DENND1A: variants seen among roughly 807,000 people sequenced by gnomAD.
The protein encoded by DENND1A is DENN domain-containing protein 1A.
DENND1A carries 51 observed loss-of-function variants against 113.7 expected under a neutral mutation model. The observed-to-expected ratio is 0.45, with a 90% confidence interval of 0.36 to 0.57. The LOEUF is 0.57. Among genes scored for constraint, DENND1A ranks in the 20% least tolerant of loss-of-function variants. The pLI, the probability that DENND1A is intolerant of heterozygous loss-of-function variation, is 0.00. For synonymous variants in DENND1A, 565 were observed against 570.8 expected (o/e 0.99, Z 0.14); for missense variants, 1,258 against 1,395.9 (o/e 0.90, Z 1.57).
intron 13 of DENND1A, among the ~76,000 whole-genome samples, chr9:123,466,837 C>A (rs1180426215): frequency 2.0e-5 from 3 of 151,370 alleles, no homozygotes; most frequent in African/African-American, 4.9e-5. Context: ...GAGTTTGAGA[C>A]CAGCCTGGGC....
intron 13 of DENND1A, among the ~76,000 whole-genome samples, chr9:123,501,242 G>C (rs867801996): frequency 6.6e-6 from 1 of 152,136 alleles, no homozygotes; most frequent in African/African-American, 2.4e-5. Context: ...TGTCCTCCAG[G>C]TTCATCCATG....
chr9:123,414,710 T>C (rs1414508077), intron 19 of DENND1A: 1 of 1,310,740 alleles, frequency 7.6e-7, no homozygotes, highest in African/African-American at 1.5e-5. Context: ...ATAGACTTGC[T>C]TTCCCTATAC....
At chr9:123,872,909 G>A (rs1022879408) in intron 2 of DENND1A, among the ~76,000 whole-genome samples, 2 of 152,150 alleles carry the variant, frequency 1.3e-5, no homozygotes, top group African/African-American at 4.8e-5. Flanking sequence ...CCTTCTCACA[G>A]CAGGGAATTA....
chr9:123,680,882 C>A (rs934425747), intron 5 of DENND1A, among the ~76,000 whole-genome samples: 2 of 152,180 alleles, frequency 1.3e-5, no homozygotes, highest in Admixed American at 6.5e-5. Flanking sequence ...GTGGGAGAGG[C>A]TGACCAAGTC....
intron 5 of DENND1A, among the ~76,000 whole-genome samples, chr9:123,689,288 G>A (rs2065018201): frequency 3.3e-5 from 5 of 152,118 alleles, no homozygotes; most frequent in Admixed American, 2.0e-4. Flanking sequence ...GCCTCCCAAA[G>A]TACTGAGATT....
At chr9:123,693,125 T>C (rs944109653) in intron 5 of DENND1A, among the ~76,000 whole-genome samples, 2 of 152,228 alleles carry the variant, frequency 1.3e-5, no homozygotes, top group Non-Finnish European at 2.9e-5. Flanking sequence ...TAGATGAATT[T>C]TGGCAACTGG....
At position 123,782,867 on chromosome 9, in the gene DENND1A, T is replaced by TC. The variant is rs1195952764; in HGVS notation, c.132+9719dup. The stretch of plus-strand genomic sequence containing the variant: ...TCATTTCTACCTACCAACCCCCAGC[T>TC]CCCCCCGCTCACATACACATACATA... On this transcript the variant is annotated intron_variant, in intron 3 of 23. Transcript: ENST00000394215. 5.0e-5 allele frequency among the ~76,000 whole-genome samples: 7 copies of TC among 141,008 alleles called. 1 individual carries two copies. Among genetic ancestry groups the TC allele is most frequent in the Non-Finnish European group, 7.6e-5 (5 of 66,012 alleles). The allele number at this position is 141,008 out of a possible 152,430, so 92.5% of individuals were successfully genotyped here. A position where few individuals can be genotyped will look rare whatever the true frequency, so the allele number is the denominator to read the frequency against.
At chr9:123,844,227 G>A (rs1405727382) in intron 2 of DENND1A, among the ~76,000 whole-genome samples, 1 of 151,932 alleles carries the variant, frequency 6.6e-6, no homozygotes, top group Non-Finnish European at 1.5e-5. Context: ...AGGGTAATTA[G>A]GTATGAAAAA....
At chr9:123,712,670 G>C (rs949986830) in intron 5 of DENND1A, among the ~76,000 whole-genome samples, 1 of 152,196 alleles carries the variant, frequency 6.6e-6, no homozygotes, top group Admixed American at 6.5e-5. Flanking sequence ...CCCTGCTTCT[G>C]TTATAACAGT....
intron 9 of DENND1A, among the ~76,000 whole-genome samples, chr9:123,645,604 A>G (rs1166526626): frequency 3.3e-5 from 5 of 152,186 alleles, no homozygotes; most frequent in African/African-American, 7.2e-5. Flanking sequence ...ACTGCACGTG[A>G]CATACAAGGA....
intron 13 of DENND1A, among the ~76,000 whole-genome samples, chr9:123,545,659 G>C (rs1206544156): frequency 6.6e-6 from 1 of 151,984 alleles, no homozygotes. Context: ...AGTAGAGACG[G>C]GGTTTCACTG....
At chr9:123,596,952 G>A (rs2059721954) in intron 11 of DENND1A, among the ~76,000 whole-genome samples, 1 of 152,160 alleles carries the variant, frequency 6.6e-6, no homozygotes, top group Non-Finnish European at 1.5e-5. Flanking sequence ...TGAGCATAAC[G>A]TGTCTGGCAG....
chr9:123,470,943 C>T (rs537246557), intron 13 of DENND1A, among the ~76,000 whole-genome samples: 10 of 152,238 alleles, frequency 6.6e-5, no homozygotes, highest in South Asian at 2.1e-4. Flanking sequence ...AGTTTCTAGT[C>T]GTGAGCACGT....
intron 10 of DENND1A, among the ~76,000 whole-genome samples, chr9:123,621,104 A>T (rs1167543446): frequency 6.6e-6 from 1 of 152,086 alleles, no homozygotes; most frequent in East Asian, 1.9e-4. Flanking sequence ...TTTGGCCACA[A>T]CTATCCATCT....
chr9:123,630,071 C>T (rs1458491804), intron 10 of DENND1A, among the ~76,000 whole-genome samples: 3 of 152,050 alleles, frequency 2.0e-5, no homozygotes, highest in African/African-American at 7.2e-5. Context: ...GACAGAGTCT[C>T]ACTCTGTTGC....
chr9:123,913,783 T>C (rs1854523084), intron 1 of DENND1A, among the ~76,000 whole-genome samples: 1 of 151,042 alleles, frequency 6.6e-6, no homozygotes, highest in Non-Finnish European at 1.5e-5. Context: ...TGCATGCCTG[T>C]AATCCCAGCT....
chr9:123,624,438 G>A (rs1289552314), intron 10 of DENND1A, among the ~76,000 whole-genome samples: 1 of 152,148 alleles, frequency 6.6e-6, no homozygotes, highest in African/African-American at 2.4e-5. Context: ...TGGAAGCTGT[G>A]TTTTTTCTCT....
intron 5 of DENND1A, among the ~76,000 whole-genome samples, chr9:123,690,936 T>C (rs990875771): frequency 1.3e-5 from 2 of 152,222 alleles, no homozygotes; most frequent in Non-Finnish European, 2.9e-5. Context: ...TCCTGTGCCA[T>C]GCTTATCATG....
intron 13 of DENND1A, among the ~76,000 whole-genome samples, chr9:123,473,303 T>C (rs916377136): frequency 6.6e-6 from 1 of 151,350 alleles, no homozygotes; most frequent in Non-Finnish European, 1.5e-5. Flanking sequence ...AAAGAGAGAA[T>C]GTATGTGTGT....
Sources: gnomAD v4.1 joint callset for allele counts (sites outside exome capture counted in the v4.1 genomes callset) on GRCh38, gnomAD v4.1.1 for gene constraint, MANE v1.5 for transcripts, NCBI Gene and HGNC (gene_info 2026-07-23, HGNC 2026-07-21) for gene names.